The following SAP130 variants were observed in gnomAD, a reference collection of about 807,000 sequenced individuals.
The protein encoded by SAP130 is histone deacetylase complex subunit SAP130.
SAP130 carries 16 observed loss-of-function variants against 103.2 expected under a neutral mutation model. That is an observed-to-expected ratio of 0.16 (90% confidence interval 0.10 to 0.24). The LOEUF is 0.24. Among genes scored for constraint, SAP130 ranks in the 10% least tolerant of loss-of-function variants. The probability of loss-of-function intolerance (pLI) is 1.00; values close to 1 mark genes in which losing one functional copy is unlikely to be tolerated. For missense variants in SAP130, 990 were observed against 1,359.7 expected (o/e 0.73, Z 4.28); for synonymous variants, 477 against 497.0 (o/e 0.96, Z 0.53).
chr2:127,995,006 G>C (rs1271030201), intron 11 of SAP130, among the ~76,000 whole-genome samples: 1 of 150,592 alleles, frequency 6.6e-6, no homozygotes, highest in Non-Finnish European at 1.5e-5. Flanking sequence ...GATCAAATTA[G>C]AACACTTAAC....
At chr2:128,021,402 G>A (rs910459643) in intron 2 of SAP130, among the ~76,000 whole-genome samples, 4 of 149,040 alleles carry the variant, frequency 2.7e-5, no homozygotes, top group African/African-American at 7.4e-5. Context: ...AGTCGAGATC[G>A]CGCCACTGCA....
intron 1 of SAP130, chr2:128,027,163 T>C: frequency 7.7e-7 from 1 of 1,292,850 alleles, no homozygotes; most frequent in Non-Finnish European, 9.9e-7. Context: ...GGAGGGCCCA[T>C]CTCGGCGGCG....
intron 15 of SAP130, among the ~76,000 whole-genome samples, chr2:127,962,862 AAAACTT>A (rs1680357095): frequency 6.6e-6 from 1 of 151,466 alleles, no homozygotes; most frequent in Non-Finnish European, 1.5e-5. Flanking sequence ...CATGTACCCT[AAAACTT>A]AAAGTATAAT....
intron 15 of SAP130, among the ~76,000 whole-genome samples, chr2:127,958,993 G>A (rs774047319): frequency 2.0e-5 from 3 of 152,134 alleles, no homozygotes; most frequent in Non-Finnish European, 4.4e-5. Context: ...AATTCTGCCT[G>A]CCATTCTATC....
At position 128,010,364 on chromosome 2, in the gene SAP130, G is replaced by A. The variant is rs1684301767; in HGVS notation, c.774C>T (p.Ala258=). The change falls in exon 7 of 21, where the codon GCC becomes GCT. Residue 258 remains alanine, a synonymous_variant. Coordinates refer to ENST00000643581, the MANE Select transcript of SAP130 (RefSeq NM_001330301.2). ...QSRPPVTTSN[A]IPPAVVATVS... ...CAGTTGCTACCACAGCAGGAGGGAT[G>A]GCATTGGAGGTGGTCACAGGTGGCC... 1 of 1,613,728 alleles carries A rather than the reference G, an allele frequency of 6.2e-7. No homozygotes were observed. The highest frequency in any genetic ancestry group is 1.3e-5 in the African/African-American group (1 of 74,864).
At chr2:127,967,721 CT>C in intron 15 of SAP130, among the ~76,000 whole-genome samples, 1 of 152,166 alleles carries the variant, frequency 6.6e-6, no homozygotes, top group Non-Finnish European at 1.5e-5. Flanking sequence ...AATAACCCCA[CT>C]TTCAATAATG....
At chr2:127,973,674 T>C (rs1226293506) in intron 15 of SAP130, among the ~76,000 whole-genome samples, 1 of 152,224 alleles carries the variant, frequency 6.6e-6, no homozygotes, top group African/African-American at 2.4e-5. Flanking sequence ...CATTTTAGAA[T>C]GCTCAGGTAA....
intron 4 of SAP130, among the ~76,000 whole-genome samples, chr2:128,015,931 A>G (rs1684739383): frequency 7.3e-6 from 1 of 136,306 alleles, no homozygotes; most frequent in South Asian, 2.4e-4. Flanking sequence ...ACACCGTGAG[A>G]TTCTGTCTCA....
intron 2 of SAP130, among the ~76,000 whole-genome samples, chr2:128,018,277 G>T (rs1372261420): frequency 1.3e-5 from 2 of 148,244 alleles, no homozygotes; most frequent in African/African-American, 5.0e-5. Flanking sequence ...ATTTTATGCT[G>T]GCCAACATGG....
rs1230627546 is a variant in SAP130, at chr2:128,028,004, G to A, written c.-71C>T. The A allele has an allele frequency of 1.0e-6, 1 of 985,360 alleles. No individual in the cohort carries two copies. The highest frequency in any genetic ancestry group is 1.2e-6 in the Non-Finnish European group (1 of 829,860). The allele number at this position is 985,360 out of a possible 1,614,324, so 61.0% of individuals were successfully genotyped here. A position where few individuals can be genotyped will look rare whatever the true frequency, so the allele number is the denominator to read the frequency against. On this transcript the variant is annotated 5_prime_UTR_variant, in exon 1 of 21. Coordinates refer to ENST00000643581, the MANE Select transcript of SAP130 (RefSeq NM_001330301.2). Reference sequence around the variant, plus strand: ...TCGCTCCCGCGCGCTCTCCGTCTGTGGGGCCGACGTCCCCAGGCTCCGGAC... The same window carrying A: ...TCGCTCCCGCGCGCTCTCCGTCTGTAGGGCCGACGTCCCCAGGCTCCGGAC...
chr2:127,949,923 G>C lies in SAP130; in HGVS notation c.2743C>G (p.Pro915Ala). 1 of 1,614,142 alleles carries C rather than the reference G, an allele frequency of 6.2e-7. No individual in the cohort carries two copies. Among genetic ancestry groups the C allele is most frequent in the Non-Finnish European group, 8.5e-7 (1 of 1,180,020 alleles). ...PITLLRHYRNPWKAAYHHFQR... is the reference protein window; with the variant it reads ...PITLLRHYRNAWKAAYHHFQR... ...AAGTGGTGGTAAGCAGCTTTCCAGG[G>C]GTTCCGATAGTGACGAAGCAAAGTA... The change falls in exon 18 of 21, where the codon CCC becomes GCC. Residue 915 changes from proline (P) to alanine (A), a missense_variant. Pro to Ala is a conservative substitution (Grantham distance 27). Coordinates refer to ENST00000643581, the MANE Select transcript of SAP130 (RefSeq NM_001330301.2).
chr2:127,958,635 TGAGAGAGAGAGAGAGAGAGAGAGA>T (rs372337440), intron 15 of SAP130, among the ~76,000 whole-genome samples: 43 of 127,706 alleles, frequency 3.4e-4, no homozygotes, highest in African/African-American at 8.8e-4. Context: ...GTGAGACAGA[TGAGAGAGAGAGAGAGAGAGAGAGA>T]GAGAGAGAGA....
intron 15 of SAP130, among the ~76,000 whole-genome samples, chr2:127,960,756 T>C (rs1680185445): frequency 1.3e-5 from 2 of 152,142 alleles, no homozygotes; most frequent in African/African-American, 4.8e-5. Context: ...AGCATTCTAC[T>C]GACTCTAAGA....
chr2:127,993,342 G>A (rs767484740), intron 11 of SAP130, 34 bp from the exon 12 acceptor site: 3 of 1,571,816 alleles, frequency 1.9e-6, no homozygotes, highest in South Asian at 1.2e-5. Flanking sequence ...AAACAAAATA[G>A]TCATTTTCTT....
intron 6 of SAP130, among the ~76,000 whole-genome samples, chr2:128,011,836 G>A (rs759077985): frequency 1.4e-4 from 21 of 152,032 alleles, no homozygotes; most frequent in Non-Finnish European, 2.6e-4. Context: ...TTTGTGAGAT[G>A]GAGTCTCACT....
chr2:127,948,945 T>C (rs1679310510), intron 18 of SAP130, among the ~76,000 whole-genome samples: 1 of 152,206 alleles, frequency 6.6e-6, no homozygotes, highest in African/African-American at 2.4e-5. Context: ...TGAAGAGATG[T>C]TTAGTGGTTC....
At chr2:128,027,097 G>GCCGCCGC (rs1344928284) in intron 1 of SAP130, 11 of 1,420,102 alleles carry the variant, frequency 7.7e-6, no homozygotes, top group East Asian at 5.9e-5. Context: ...TTTACCTGTA[G>GCCGCCGC]CCGCCGCCCG....
In SAP130 at chr2:127,986,724, T is replaced by C. The variant is rs1376082936; in HGVS notation, c.1958+61A>G. 2.6e-6 allele frequency: 4 copies of C among 1,516,798 alleles called. 1 individual carries two copies. Among genetic ancestry groups the C allele is most frequent in the Non-Finnish European group, 3.6e-6 (4 of 1,105,330 alleles). The allele number at this position is 1,516,798 out of a possible 1,614,324, so 94.0% of individuals were successfully genotyped here. Reference sequence around the variant, plus strand: ...TACCAGCATTAGATAAGAGTGCCTATTATGTATACCAGTTATATCCAGAAC... The same window carrying C: ...TACCAGCATTAGATAAGAGTGCCTACTATGTATACCAGTTATATCCAGAAC... On this transcript the variant is annotated intron_variant, in intron 14 of 20. Coordinates refer to ENST00000643581, the MANE Select transcript of SAP130 (RefSeq NM_001330301.2). The surrounding 1 kb of genome is among the most constrained non-coding windows in gnomAD (Gnocchi z 4.7).
At chr2:128,021,647 C>T (rs1052047692) in intron 2 of SAP130, among the ~76,000 whole-genome samples, 1 of 152,082 alleles carries the variant, frequency 6.6e-6, no homozygotes, top group African/African-American at 2.4e-5. Context: ...TACAAATATC[C>T]TCAGCAACAC....
Sources: allele counts gnomAD v4.1 joint callset (sites outside exome capture counted in the v4.1 genomes callset), GRCh38; gene constraint gnomAD v4.1.1; non-coding constraint Gnocchi (gnomAD v3.1); transcripts MANE v1.5; gene names NCBI Gene and HGNC (gene_info 2026-07-23, HGNC 2026-07-21).